Variants in DNAJC13 observed in about 807,000 individuals in gnomAD.
DNAJC13 encodes the protein dnaJ homolog subfamily C member 13.
DNAJC13 carries 75 observed loss-of-function variants against 290.5 expected under a neutral mutation model. The ratio of observed to expected loss-of-function variants is 0.26; its 90% CI spans 0.21 to 0.31. The LOEUF is 0.31. Among genes scored for constraint, DNAJC13 ranks in the 10% least tolerant of loss-of-function variants. The pLI, the probability that DNAJC13 is intolerant of heterozygous loss-of-function variation, is 1.00. For missense variants in DNAJC13, 2,260 were observed against 2,674.5 expected, an observed-to-expected ratio of 0.85 and a Z score of 3.42; for synonymous variants, 862 against 892.0, an observed-to-expected ratio of 0.97 and a Z score of 0.60.
chr3:132,501,922 CTT>C (rs1388380150), intron 39 of DNAJC13, among the ~76,000 whole-genome samples: 1 of 152,180 alleles, frequency 6.6e-6, no homozygotes, highest in African/African-American at 2.4e-5. Context: ...ATAAATAAAT[CTT>C]TTAACAACTG....
intron 42 of DNAJC13, 103 bp from the exon 43 acceptor site, chr3:132,507,134 T>C: frequency 1.4e-6 from 1 of 710,776 alleles, no homozygotes; most frequent in South Asian, 2.1e-5. Flanking sequence ...ACATTTTTTC[T>C]CTAGAATATG....
intron 1 of DNAJC13, among the ~76,000 whole-genome samples, chr3:132,433,137 T>C (rs1174673434): frequency 6.6e-6 from 1 of 152,366 alleles, no homozygotes; most frequent in East Asian, 1.9e-4. Context: ...AAAGGAAGGC[T>C]AAAATGATTA....
chr3:132,434,768 A>G lies in DNAJC13; in HGVS notation c.68+150A>G, dbSNP rs72990500. The G allele has an allele frequency of 0.16, 83,190 of 515,404 alleles. 7,716 individuals are homozygous for G. Among genetic ancestry groups the G allele is most frequent in the African/African-American group, 0.27 (13,598 of 51,236 alleles). The allele number at this position is 515,404 out of a possible 1,614,324, so 31.9% of individuals were successfully genotyped here. A position where few individuals can be genotyped will look rare whatever the true frequency, so the allele number is the denominator to read the frequency against. ...TGCATATTATAAATGTAAATGCTAC[A>G]TGTATTTTTTTTTCTTTTGACATTT... is the stretch of plus-strand genomic sequence containing the variant. On this transcript the variant is annotated intron_variant, in intron 2 of 55. Transcript: ENST00000260818.
In DNAJC13 at chr3:132,456,266, G is replaced by C; in HGVS notation, c.964G>C (p.Val322Leu). 6.2e-7 allele frequency: 1 copy of C among 1,613,798 alleles called. No individual in the cohort carries two copies. The highest frequency in any genetic ancestry group is 1.7e-5 in the Admixed American group (1 of 59,996). ...CTTATTAGCAAGTTTGCTGGATGGA[G>C]TAAGAGCCTCTGGTAATAGAGATGT... ...DSLLASLLDGVRASGNRDVCV... is the reference protein window; with the variant it reads ...DSLLASLLDGLRASGNRDVCV... Residue 322 changes from valine to leucine, a missense_variant, in exon 10 of 56, where the codon GTA becomes CTA. Transcript: ENST00000260818.
intron 24 of DNAJC13, 36 bp downstream of exon 24, chr3:132,478,176 G>A (rs772605353): frequency 1.3e-6 from 2 of 1,549,288 alleles, no homozygotes; most frequent in Non-Finnish European, 1.7e-6. Context: ...CTATTTGATA[G>A]TGTCACTAGG....
chr3:132,505,446 AATTT>A, intron 42 of DNAJC13, 31 bp downstream of exon 42: 1 of 1,400,648 alleles, frequency 7.1e-7, no homozygotes, highest in Non-Finnish European at 1.0e-6. Flanking sequence ...TTTCTTGGGT[AATTT>A]ATTCTGATGG....
chr3:132,503,122 A>G, intron 40 of DNAJC13, 92 bp from the exon 41 acceptor site: 1 of 1,356,708 alleles, frequency 7.4e-7, no homozygotes, highest in Non-Finnish European at 1.0e-6. Flanking sequence ...TACTCCTTAA[A>G]TATGTTCCAT....
chr3:132,457,284 A>G lies in DNAJC13; in HGVS notation c.1365A>G (p.Leu455=). The change falls in exon 13 of 56, where the codon CTA becomes CTG. Residue 455 remains leucine (L), a synonymous_variant. Coordinates refer to ENST00000260818, the MANE Select transcript of DNAJC13 (RefSeq NM_015268.4). ...FTQLPKFRER[L]GVKVVKALKR... ...GTTCCAAAAGGTTTCGCGAGCGTCT[A>G]GGGGTGAAGGTAGTAAAAGCACTCA... is the stretch of plus-strand genomic sequence containing the variant. 1.2e-6 allele frequency: 2 copies of G among 1,609,806 alleles called. No homozygotes were observed. The highest frequency in any genetic ancestry group is 1.1e-5 in the South Asian group (1 of 90,102).
intron 20 of DNAJC13, 76 bp downstream of exon 20, chr3:132,467,389 A>T (rs758423080): frequency 1.4e-6 from 2 of 1,473,252 alleles, no homozygotes; most frequent in Admixed American, 3.9e-5. Context: ...CTGTTCACAG[A>T]GATGGTATCG....
intron 27 of DNAJC13, among the ~76,000 whole-genome samples, chr3:132,482,731 T>G (rs1934719524): frequency 6.6e-6 from 1 of 151,900 alleles, no homozygotes; most frequent in Non-Finnish European, 1.5e-5. Flanking sequence ...TGGTGGTGCA[T>G]GCCTATAGTG....
At chr3:132,436,164 C>A (rs1020632195) in intron 2 of DNAJC13, among the ~76,000 whole-genome samples, 8 of 152,132 alleles carry the variant, frequency 5.3e-5, no homozygotes, top group Non-Finnish European at 8.8e-5. Flanking sequence ...CATCACCTCG[C>A]CTTCCCTGCA....
rs758021373 is a variant in DNAJC13, at chr3:132,499,820, AC to A, written c.4416+14del. 6.2e-7 allele frequency: 1 copy of A among 1,611,644 alleles called. No homozygotes were observed. The highest frequency in any genetic ancestry group is 1.1e-5 in the South Asian group (1 of 90,580). ...ACATGTCAGTACAGGTGAGGCTAAA[AC>A]CTGTGGTTCCAAGAAAATTGCACTA... On this transcript the variant is annotated intron_variant, in intron 38 of 55. Transcript: ENST00000260818.
In DNAJC13 at chr3:132,483,361, C is replaced by T; in HGVS notation, c.2980-14C>T. 1 of 1,611,762 alleles carries T rather than the reference C, an allele frequency of 6.2e-7. No homozygotes were observed. Among genetic ancestry groups the T allele is most frequent in the Non-Finnish European group, 8.5e-7 (1 of 1,178,018 alleles). On this transcript the variant is annotated splice_polypyrimidine_tract_variant and intron_variant, in intron 27 of 55. Coordinates refer to ENST00000260818, the MANE Select transcript of DNAJC13 (RefSeq NM_015268.4). ...TTATTTTGTCTGTTTGTAATAATGC[C>T]TTCCATCCATTAGATGCAAGAATTG...
intron 18 of DNAJC13, 67 bp downstream of exon 18, chr3:132,466,137 T>C: frequency 6.9e-7 from 1 of 1,457,082 alleles, no homozygotes; most frequent in Non-Finnish European, 9.6e-7. Flanking sequence ...TTATCTGTAC[T>C]GTTAAAAGGG....
At chr3:132,440,506 A>G (rs1040609241) in intron 2 of DNAJC13, among the ~76,000 whole-genome samples, 3 of 152,232 alleles carry the variant, frequency 2.0e-5, no homozygotes, top group African/African-American at 4.8e-5. Flanking sequence ...TAACATTTCC[A>G]TCAATGATGG....
chr3:132,506,121 C>T lies in DNAJC13; in HGVS notation c.4998+706C>T, dbSNP rs184239590. Among the ~76,000 whole-genome samples, 37 of 127,428 alleles carry T rather than the reference C, an allele frequency of 2.9e-4. 1 individual carries two copies. Among genetic ancestry groups the T allele is most frequent in the South Asian group, 1.4e-3 (5 of 3,620 alleles). 83.6% of individuals were successfully genotyped at this position (127,428 alleles called of 152,430 possible). A position where few individuals can be genotyped will look rare whatever the true frequency, so the allele number is the denominator to read the frequency against. On this transcript the variant is annotated intron_variant, in intron 42 of 55. Coordinates refer to ENST00000260818, the MANE Select transcript of DNAJC13 (RefSeq NM_015268.4). ...AGGCTGGAGTGCAATGGCATGATCT[C>T]GGCTCGTCGCAACCTCCACCTCCTG...
At chr3:132,505,193 A>G in intron 41 of DNAJC13, 109 bp from the exon 42 acceptor site, 1 of 669,822 alleles carries the variant, frequency 1.5e-6, no homozygotes, top group Non-Finnish European at 2.6e-6. Flanking sequence ...GGTCCATTAT[A>G]CTATAGGCAA....
chr3:132,507,875 A>G (rs1386286394), intron 43 of DNAJC13, among the ~76,000 whole-genome samples: 2 of 151,992 alleles, frequency 1.3e-5, no homozygotes, highest in African/African-American at 4.8e-5. Context: ...CTCACTTTAA[A>G]TTAAAAGCTA....
intron 36 of DNAJC13, among the ~76,000 whole-genome samples, chr3:132,498,105 A>G (rs761925427): frequency 1.3e-5 from 2 of 152,202 alleles, no homozygotes; most frequent in African/African-American, 2.4e-5. Flanking sequence ...TAGGTTTACT[A>G]GCTTTCACTT....
Sources: gnomAD v4.1 joint callset for allele counts (sites outside exome capture counted in the v4.1 genomes callset) on GRCh38, gnomAD v4.1.1 for gene constraint, MANE v1.5 for transcripts, NCBI Gene and HGNC (gene_info 2026-07-23, HGNC 2026-07-21) for gene names.